The following JAZF1 variants were observed in gnomAD, a reference collection of about 807,000 sequenced individuals.
JAZF1 encodes the protein JAZF zinc finger 1.
JAZF1 carries 8 observed loss-of-function variants against 26.4 expected under a neutral mutation model. The observed-to-expected ratio is 0.30, with a 90% CI of 0.18 to 0.55. The LOEUF is 0.55. Ranked by LOEUF, JAZF1 falls within the 20% of genes least tolerant of loss-of-function variation. The pLI, the probability that JAZF1 is intolerant of heterozygous loss-of-function variation, is 0.94. For synonymous variants in JAZF1, 126 were observed against 122.3 expected (o/e 1.03, Z -0.20); for missense variants, 199 against 322.0 (o/e 0.62, Z 2.92).
intron 1 of JAZF1, among the ~76,000 whole-genome samples, chr7:28,118,582 T>C (rs944097419): frequency 2.0e-5 from 3 of 152,204 alleles, no homozygotes; most frequent in Admixed American, 1.3e-4. Flanking sequence ...AAACTGGAAT[T>C]TTTAAAGTAA....
intron 2 of JAZF1, among the ~76,000 whole-genome samples, chr7:27,925,052 C>T (rs1784587363): frequency 6.6e-6 from 1 of 152,192 alleles, no homozygotes; most frequent in South Asian, 2.1e-4. Flanking sequence ...TACTGCACTG[C>T]CATTTTATTA....
intron 1 of JAZF1, among the ~76,000 whole-genome samples, chr7:28,162,944 T>C (rs1379251128): frequency 2.0e-5 from 3 of 152,236 alleles, no homozygotes; most frequent in Non-Finnish European, 4.4e-5. Context: ...TCAGTGGCTA[T>C]CAGTTTAAGT....
intron 1 of JAZF1, among the ~76,000 whole-genome samples, chr7:27,996,103 T>C (rs1480992125): frequency 6.6e-6 from 1 of 152,220 alleles, no homozygotes; most frequent in Non-Finnish European, 1.5e-5. Flanking sequence ...TGCAGTGCTC[T>C]TGTCAAGTCT....
chr7:27,913,877 TAG>T (rs1784402464), intron 2 of JAZF1, among the ~76,000 whole-genome samples: 1 of 152,242 alleles, frequency 6.6e-6, no homozygotes, highest in Non-Finnish European at 1.5e-5. Flanking sequence ...TACCACGTGC[TAG>T]TTATATGCCT....
intron 1 of JAZF1, among the ~76,000 whole-genome samples, chr7:28,007,689 C>T (rs1782728133): frequency 6.6e-6 from 1 of 152,138 alleles, no homozygotes; most frequent in South Asian, 2.1e-4. Context: ...TACAAATTGA[C>T]CAGGTGACCA....
chr7:27,903,103 T>C (rs1426255506), intron 2 of JAZF1, among the ~76,000 whole-genome samples: 1 of 151,450 alleles, frequency 6.6e-6, no homozygotes, highest in African/African-American at 2.4e-5. Context: ...CCATCTACAC[T>C]AGCATTTGGT....
chr7:27,953,744 T>C (rs1043271100), intron 2 of JAZF1, among the ~76,000 whole-genome samples: 118 of 152,348 alleles, frequency 7.7e-4, no homozygotes, highest in African/African-American at 2.8e-3. Context: ...TTTAAACCCC[T>C]TGATGGATCA....
Position 28,107,145 on chromosome 7 carries a change from C to G in JAZF1, c.115+73318G>C, listed in dbSNP as rs188983158. On this transcript the variant is annotated intron_variant, in intron 1 of 4. Transcript: ENST00000283928. ...TGATTCTCCCAGTTTTACAGGTGTGCTTTATATTTGTCCCTCAAACACCAA... is the reference window on the plus strand; with the variant it reads ...TGATTCTCCCAGTTTTACAGGTGTGGTTTATATTTGTCCCTCAAACACCAA... 8.5e-5 allele frequency among the ~76,000 whole-genome samples: 13 copies of G among 152,352 alleles called. No homozygotes were observed. In the East Asian group the frequency reaches 2.5e-3, roughly 29 times the overall value.
At chr7:27,987,310 C>T (rs1044814251) in intron 2 of JAZF1, among the ~76,000 whole-genome samples, 4 of 151,916 alleles carry the variant, frequency 2.6e-5, no homozygotes, top group Admixed American at 2.6e-4. Context: ...GGCTGCGACC[C>T]CGTCTGGGAT....
intron 1 of JAZF1, among the ~76,000 whole-genome samples, chr7:28,134,895 TC>T (rs954169328): frequency 2.0e-5 from 3 of 152,178 alleles, no homozygotes; most frequent in African/African-American, 7.2e-5. Context: ...AGGAGTGGAA[TC>T]CACATCTGAT....
intron 2 of JAZF1, among the ~76,000 whole-genome samples, chr7:27,900,908 A>G (rs555981646): frequency 1.6e-4 from 25 of 152,316 alleles, no homozygotes; most frequent in African/African-American, 6.0e-4. Flanking sequence ...GATTTTAATA[A>G]AATAGAAATC....
chr7:27,907,440 G>A (rs189504835), intron 2 of JAZF1, among the ~76,000 whole-genome samples: 2 of 152,304 alleles, frequency 1.3e-5, no homozygotes, highest in East Asian at 1.9e-4. Flanking sequence ...TACATAAGAG[G>A]TAATTTCTTG....
At chr7:28,043,861 TAAGTGAAAGAAAC>T (rs1783448014) in intron 1 of JAZF1, among the ~76,000 whole-genome samples, 1 of 151,982 alleles carries the variant, frequency 6.6e-6, no homozygotes, top group African/African-American at 2.4e-5. Context: ...AACATTATGT[TAAGTGAAAGAAAC>T]AAGACACAAG....
intron 1 of JAZF1, among the ~76,000 whole-genome samples, chr7:28,028,257 C>G (rs1168437985): frequency 6.6e-6 from 1 of 152,138 alleles, no homozygotes; most frequent in Admixed American, 6.5e-5. Context: ...TCCAAGAGTT[C>G]AGGTAGGCTT....
intron 1 of JAZF1, among the ~76,000 whole-genome samples, chr7:28,165,108 G>A (rs1387013456): frequency 2.6e-5 from 4 of 152,170 alleles, no homozygotes; most frequent in Admixed American, 2.0e-4. Flanking sequence ...GGCGGAGGCT[G>A]CAGTGAGCCA....
At chr7:27,992,636 C>A (rs1371649661) in intron 1 of JAZF1, among the ~76,000 whole-genome samples, 2 of 152,070 alleles carry the variant, frequency 1.3e-5, no homozygotes, top group Admixed American at 1.3e-4. Context: ...CAGCACAGCA[C>A]CAAAAAGGTA....
chr7:27,926,387 C>A (rs1019253117), intron 2 of JAZF1, among the ~76,000 whole-genome samples: 8 of 152,212 alleles, frequency 5.3e-5, no homozygotes, highest in African/African-American at 1.9e-4. Context: ...AAGAGCCATT[C>A]AGGTCCTGGC....
chr7:27,861,536 A>T (rs1320363267), intron 3 of JAZF1, among the ~76,000 whole-genome samples: 1 of 137,268 alleles, frequency 7.3e-6, no homozygotes, highest in Non-Finnish European at 1.6e-5. Context: ...ATTTCCAAAG[A>T]CTACTTTTTT....
intron 3 of JAZF1, among the ~76,000 whole-genome samples, chr7:27,865,027 C>T (rs1010961935): frequency 1.2e-4 from 19 of 152,132 alleles, no homozygotes; most frequent in South Asian, 4.2e-4. Context: ...TGGGGCATGA[C>T]GAGCATTTGA....
Sources: gnomAD v4.1 joint callset for allele counts (sites outside exome capture counted in the v4.1 genomes callset) on GRCh38, gnomAD v4.1.1 for gene constraint, MANE v1.5 for transcripts, NCBI Gene and HGNC (gene_info 2026-07-23, HGNC 2026-07-21) for gene names.